EML2: variants seen among roughly 807,000 people sequenced by gnomAD.
EML2 encodes echinoderm microtubule-associated protein-like 2.
In EML2, 59 loss-of-function variants were observed where a neutral mutation model predicts 84.7. That is an observed-to-expected ratio of 0.70 (90% CI 0.56 to 0.86). EML2 has a LOEUF of 0.86. EML2 is among the 40% of genes least tolerant of loss of function. The pLI, the probability that EML2 is intolerant of heterozygous loss-of-function variation, is 0.00. For missense variants in EML2, 818 were observed against 855.6 expected (o/e 0.96, Z 0.55); for synonymous variants, 352 against 348.9 (o/e 1.01, Z -0.10).
intron 3 of EML2, among the ~76,000 whole-genome samples, chr19:45,635,568 AT>A (rs1361477774): frequency 6.7e-6 from 1 of 149,484 alleles, no homozygotes; most frequent in African/African-American, 2.5e-5. Flanking sequence ...CCAAAAAAAA[AT>A]GAATGTCTGT....
chr19:45,634,556 A>C, intron 3 of EML2, 85 bp from the exon 4 acceptor site: 1 of 1,050,270 alleles, frequency 9.5e-7, no homozygotes, highest in Non-Finnish European at 1.2e-6. Flanking sequence ...TTTATTTTTA[A>C]TTTTTTTATT....
In EML2 at chr19:45,632,910, C is replaced by T. The variant is rs765412207; in HGVS notation, c.461G>A (p.Gly154Asp). 1.2e-6 allele frequency: 2 copies of T among 1,614,202 alleles called. No individual in the cohort carries two copies. The highest frequency in any genetic ancestry group is 1.7e-5 in the Admixed American group (1 of 60,016). Residue 154 changes from glycine (G) to aspartate (D), a missense_variant, in exon 6 of 19, where the codon GGC becomes GAC. Coordinates refer to ENST00000245925, the MANE Select transcript of EML2 (RefSeq NM_012155.4). ...CACGGCTCTGTCAAACACCCCCAAG[C>T]CCAGCACGTGTAAGGTGGAGAGGGA... ...SVSLSTLHVL[G>D]LGVFDRAVCC... is the part of the protein sequence containing the mutation.
chr19:45,614,777 G>T, intron 16 of EML2, 77 bp from the exon 17 acceptor site: 1 of 1,242,428 alleles, frequency 8.0e-7, no homozygotes, highest in Non-Finnish European at 1.2e-6. Flanking sequence ...TAGACAATCG[G>T]AGCTGAGGTC....
chr19:45,643,016 A>G (rs567115329), upstream of EML2, among the ~76,000 whole-genome samples: 1 of 152,048 alleles, frequency 6.6e-6, no homozygotes, highest in East Asian at 1.9e-4. Flanking sequence ...GAAAAAGAAA[A>G]AAAAGATTCT....
intron 14 of EML2, 32 bp from the exon 15 acceptor site, chr19:45,616,590 C>T (rs749512914): frequency 2.6e-6 from 4 of 1,553,632 alleles, no homozygotes; most frequent in Middle Eastern, 1.7e-4. Context: ...TATGAGGAGG[C>T]ACCCAGGCTC....
chr19:45,620,260 C>T (rs1423210299), intron 11 of EML2, among the ~76,000 whole-genome samples: 1 of 151,958 alleles, frequency 6.6e-6, no homozygotes, highest in Admixed American at 6.6e-5. Context: ...ATTACAGGCA[C>T]ACGCCACCAT....
In EML2 at chr19:45,609,567, T is replaced by G; in HGVS notation, c.*96A>C. ...CTCCCGCCCCCATAACCCCCTCTGC[T>G]ATAGACATACTCTGGGTATATATTA... On this transcript the variant is annotated 3_prime_UTR_variant, in exon 19 of 19. Transcript: ENST00000245925. 11 of 1,074,006 alleles carry G rather than the reference T, an allele frequency of 1.0e-5. No individual in the cohort carries two copies. The highest frequency in any genetic ancestry group is 1.3e-5 in the Non-Finnish European group (10 of 794,492). 66.5% of individuals were successfully genotyped at this position (1,074,006 alleles called of 1,614,324 possible).
At chr19:45,624,415 C>G (rs563575338) in intron 9 of EML2, among the ~76,000 whole-genome samples, 1 of 152,262 alleles carries the variant, frequency 6.6e-6, no homozygotes, top group South Asian at 2.1e-4. Flanking sequence ...ATCCATTCAT[C>G]TACCCATCCG....
At position 45,619,177 on chromosome 19, in the gene EML2, C is replaced by A. The variant is rs1414353411; in HGVS notation, c.1137G>T (p.Glu379Asp). 20 of 1,611,044 alleles carry A rather than the reference C, an allele frequency of 1.2e-5. No individual in the cohort carries two copies. The highest frequency in any genetic ancestry group is 1.7e-5 in the Non-Finnish European group (20 of 1,179,286). The change falls in exon 12 of 19, where the codon GAG becomes GAT. Residue 379 changes from glutamate (E) to aspartate (D), a missense_variant. Physicochemically the swap from Glu to Asp is conservative, Grantham distance 45. Transcript: ENST00000245925. ...FSLLVQGHVE[E>D]LWGLATHPSR... ...TGGGGTGTGTGGCCAGGCCCCACAG[C>A]TCTTCCACATGGCCCTGGTGGAAAG...
chr19:45,643,686 C>A (rs1456864454), upstream of EML2: 4 of 1,535,680 alleles, frequency 2.6e-6, no homozygotes, highest in Middle Eastern at 1.7e-4. Flanking sequence ...CCTGCCATCC[C>A]GCGTCCACAG....
chr19:45,637,667 CTTTTTTTTTTTTT>C (rs58180181), intron 3 of EML2, among the ~76,000 whole-genome samples: 5 of 48,916 alleles, frequency 1.0e-4, no homozygotes, highest in Admixed American at 2.5e-4. Flanking sequence ...TTTTTCTTTT[CTTTTTTTTTTTTT>C]TTTTTTTTTT....
intron 9 of EML2, among the ~76,000 whole-genome samples, chr19:45,624,130 G>A (rs570352166): frequency 9.2e-5 from 14 of 152,162 alleles, no homozygotes; most frequent in African/African-American, 1.2e-4. Flanking sequence ...TTAATCTGTT[G>A]GCTGAAACAA....
chr19:45,633,133 G>T lies in EML2; in HGVS notation c.336C>A (p.Ala112=). The T allele has an allele frequency of 6.2e-7, 1 of 1,606,008 alleles. No individual in the cohort carries two copies. Among genetic ancestry groups the T allele is most frequent in the Non-Finnish European group, 8.5e-7 (1 of 1,176,620 alleles). ...LGHNDDIKCL[A]IHPDMVTIAT... ...CGATGGTGACCATATCTGGGTGGATGGCCAAGCTGCGGAAAGAAGGGACAG... is the reference window on the plus strand; with the variant it reads ...CGATGGTGACCATATCTGGGTGGATTGCCAAGCTGCGGAAAGAAGGGACAG... Residue 112 remains alanine (A), a synonymous_variant, in exon 5 of 19, where the codon GCC becomes GCA. Transcript: ENST00000245925.
intron 3 of EML2, among the ~76,000 whole-genome samples, chr19:45,635,556 C>A (rs1973624399): frequency 6.8e-6 from 1 of 148,006 alleles, no homozygotes; most frequent in African/African-American, 2.5e-5. Context: ...TCCCCTCCCA[C>A]TCCAAAAAAA....
Position 45,621,628 on chromosome 19 carries a change from C to A in EML2, c.851G>T (p.Arg284Leu). 6.2e-7 allele frequency: 1 copy of A among 1,607,528 alleles called. No individual in the cohort carries two copies. ...NLYVWGKGGNRITQAVLGAHD... is the reference protein window; with the variant it reads ...NLYVWGKGGNLITQAVLGAHD... ...GGCGCCCAGCACCGCCTGTGTGATA[C>A]GGTTCCCACCTGCAGGGTGGCCAGG... The change falls in exon 10 of 19, where the codon CGT becomes CTT. Residue 284 changes from arginine to leucine, a missense_variant. Physicochemically the swap from Arg to Leu is moderately radical, Grantham distance 102. Coordinates refer to ENST00000245925, the MANE Select transcript of EML2 (RefSeq NM_012155.4).
chr19:45,645,430 C>T (rs960359136), upstream of EML2: 1 of 1,455,488 alleles, frequency 6.9e-7, no homozygotes, highest in African/African-American at 1.5e-5. Flanking sequence ...ATAGCAACGC[C>T]CTTCGTTCCA....
chr19:45,632,771 C>T, intron 6 of EML2, 90 bp downstream of exon 6: 1 of 1,133,744 alleles, frequency 8.8e-7, no homozygotes, highest in South Asian at 1.4e-5. Flanking sequence ...GGATTCCCGG[C>T]CCTCAACCCA....
At chr19:45,630,535 G>A (rs1374388371) in intron 6 of EML2, among the ~76,000 whole-genome samples, 1 of 140,622 alleles carries the variant, frequency 7.1e-6, no homozygotes, top group South Asian at 2.3e-4. Flanking sequence ...CTGGGTGACA[G>A]TGAGAGACTC....
At chr19:45,636,877 G>T (rs966778270) in intron 3 of EML2, among the ~76,000 whole-genome samples, 17 of 152,276 alleles carry the variant, frequency 1.1e-4, no homozygotes, top group Non-Finnish European at 2.4e-4. Context: ...AACCCAGGAG[G>T]TGGAGGTTGC....
Sources: allele counts gnomAD v4.1 joint callset (sites outside exome capture counted in the v4.1 genomes callset), GRCh38; gene constraint gnomAD v4.1.1; transcripts MANE v1.5; gene names NCBI Gene and HGNC (gene_info 2026-07-23, HGNC 2026-07-21).